SLC6A19: variants seen among roughly 807,000 people sequenced by gnomAD.
SLC6A19 encodes sodium-dependent neutral amino acid transporter B(0)AT1.
SLC6A19 carries 67 observed loss-of-function variants against 68.3 expected under a neutral mutation model. The ratio of observed to expected loss-of-function variants is 0.98; its 90% CI spans 0.81 to 1.20. The LOEUF (loss-of-function observed/expected upper bound fraction) is 1.20, where lower values mean the gene tolerates loss of function less well. Ranked by LOEUF, SLC6A19 falls within the 50% of genes most tolerant of loss-of-function variation. The probability of loss-of-function intolerance (pLI) is 0.00; values close to 1 mark genes in which losing one functional copy is unlikely to be tolerated. For synonymous variants in SLC6A19, 392 were observed against 374.9 expected, an observed-to-expected ratio of 1.05 and a Z score of -0.53; for missense variants, 813 against 851.6, an observed-to-expected ratio of 0.95 and a Z score of 0.56.
rs1057163377 is a variant in SLC6A19 at position 1,210,355 on chromosome 5, C to G, written c.344-89C>G. The G allele has an allele frequency of 5.7e-6, 9 of 1,570,096 alleles. No individual in the cohort carries two copies. The African/African-American group carries it at 1.1e-4, about 19-fold the overall frequency. On this transcript the variant is annotated intron_variant, in intron 2 of 11. Transcript: ENST00000304460. ...AGCCCATCCCAGCCACACCCTGTGC[C>G]AGCCCTGGGACCTCCTGCTCAGAGT... is the stretch of plus-strand genomic sequence containing the variant.
At chr5:1,218,842 C>T (rs543189766) in intron 8 of SLC6A19, 61 bp from the exon 9 acceptor site, 22 of 1,575,468 alleles carry the variant, frequency 1.4e-5, no homozygotes, top group East Asian at 6.7e-5. Flanking sequence ...AGACCTCGGG[C>T]GGGGAGGAGA....
chr5:1,219,789 C>A, intron 10 of SLC6A19, 125 bp downstream of exon 10: 2 of 1,344,800 alleles, frequency 1.5e-6, no homozygotes, highest in African/African-American at 1.4e-5. Context: ...GGGGCCTCGG[C>A]CGGCCACAGA....
At chr5:1,211,486 G>A (rs549405940) in intron 3 of SLC6A19, among the ~76,000 whole-genome samples, 5 of 152,254 alleles carry the variant, frequency 3.3e-5, no homozygotes, top group African/African-American at 4.8e-5. Flanking sequence ...GGCCCAGGGT[G>A]CACCTGACTG....
At chr5:1,204,857 C>G (rs1404740628) in intron 1 of SLC6A19, among the ~76,000 whole-genome samples, 1 of 152,244 alleles carries the variant, frequency 6.6e-6, no homozygotes, top group Non-Finnish European at 1.5e-5. Flanking sequence ...GCAGCTAATT[C>G]TTAGCAAAAA....
chr5:1,205,908 A>G (rs1184833202), intron 1 of SLC6A19, among the ~76,000 whole-genome samples: 8 of 152,122 alleles, frequency 5.3e-5, no homozygotes, highest in African/African-American at 1.9e-4. Context: ...GCACCTGGCT[A>G]CCATTCCCTT....
At position 1,224,499 on chromosome 5, in the gene SLC6A19, G is replaced by A. The variant is rs1282978137; in HGVS notation, c.*2595G>A. On this transcript the variant is annotated 3_prime_UTR_variant, in exon 12 of 12. Coordinates refer to ENST00000304460, the MANE Select transcript of SLC6A19 (RefSeq NM_001003841.3). ...CCTCCTCCTGGGGGGTCTGGCTTTG[G>A]GGGCTTGCTCCGAAGAGGCCATGGC... The A allele has an allele frequency of 6.6e-6, 1 of 152,328 alleles. No individual in the cohort carries two copies. Among genetic ancestry groups the A allele is most frequent in the African/African-American group, 2.4e-5 (1 of 41,472 alleles). 9.4% of individuals were successfully genotyped at this position (152,328 alleles called of 1,614,324 possible).
rs181074085 is a variant in SLC6A19 at position 1,205,617 on chromosome 5, C to A, written c.203-3129C>A. 3.4e-3 allele frequency among the ~76,000 whole-genome samples: 523 copies of A among 152,330 alleles called. 9 individuals carry two copies. Among genetic ancestry groups the A allele is most frequent in the Admixed American group, 0.032 (493 of 15,298 alleles). On this transcript the variant is annotated intron_variant, in intron 1 of 11. Coordinates refer to ENST00000304460, the MANE Select transcript of SLC6A19 (RefSeq NM_001003841.3). ...GTTTTCAAGGATGAGTAGGAGTTTT[C>A]TCAATGGAGATGAAGCGATAGGAAG...
rs377147053 is a variant in SLC6A19 at position 1,218,952 on chromosome 5, C to T, written c.1223C>T (p.Thr408Ile). Residue 408 changes from threonine to isoleucine, a missense_variant, in exon 9 of 12, where the codon ACC (threonine) becomes ATC (isoleucine). Thr to Ile is a moderately conservative substitution (Grantham distance 89). Transcript: ENST00000304460. ...TTCATCGTCTTCACCGAGGCCATCA[C>T]CAAGATGCCGTTGTCCCCACTGTGG... is the stretch of plus-strand genomic sequence containing the variant. ...LAFIVFTEAITKMPLSPLWSV... is the reference protein window; with the variant it reads ...LAFIVFTEAIIKMPLSPLWSV... 10 of 1,613,964 alleles carry T rather than the reference C, an allele frequency of 6.2e-6. No homozygotes were observed. The highest frequency in any genetic ancestry group is 4.0e-5 in the African/African-American group (3 of 74,918).
intron 1 of SLC6A19, among the ~76,000 whole-genome samples, chr5:1,204,908 G>A (rs1241448810): frequency 8.0e-6 from 1 of 125,026 alleles, no homozygotes; most frequent in Non-Finnish European, 2.0e-5. Flanking sequence ...ACCACCTGCT[G>A]GAGAGAGAAA....
chr5:1,217,707 C>T (rs1746247318), intron 8 of SLC6A19, among the ~76,000 whole-genome samples: 1 of 152,258 alleles, frequency 6.6e-6, no homozygotes, highest in African/African-American at 2.4e-5. Context: ...CCCAACAGGG[C>T]CGTCTGGTCT....
chr5:1,219,435 T>C (rs1746302639), intron 9 of SLC6A19, 70 bp from the exon 10 acceptor site: 1 of 1,593,242 alleles, frequency 6.3e-7, no homozygotes, highest in Non-Finnish European at 8.5e-7. Context: ...CCCAGTTGTG[T>C]GAACAGCTCT....
At chr5:1,202,313 G>C (rs763761562) in intron 1 of SLC6A19, among the ~76,000 whole-genome samples, 1 of 152,192 alleles carries the variant, frequency 6.6e-6, no homozygotes, top group African/African-American at 2.4e-5. Flanking sequence ...GAGCAGAGTG[G>C]GTAGCCGGAG....
rs890676627 is a variant in SLC6A19 at position 1,215,430 on chromosome 5, G to T, written c.888-1128G>T. On this transcript the variant is annotated intron_variant, in intron 6 of 11. Coordinates refer to ENST00000304460, the MANE Select transcript of SLC6A19 (RefSeq NM_001003841.3). The surrounding 1 kb of genome is among the most constrained non-coding windows in gnomAD (Gnocchi z 5.1). ...CCAGTGCCCTGTCCTCCTGCCCCGG[G>T]TGAGCACTGATGCGCTCTCTGCCTC... Among the ~76,000 whole-genome samples, 1 of 152,220 alleles carries T rather than the reference G, an allele frequency of 6.6e-6. No homozygotes were observed. Among genetic ancestry groups the T allele is most frequent in the African/African-American group, 2.4e-5 (1 of 41,464 alleles).
chr5:1,214,476 C>T lies in SLC6A19; in HGVS notation c.887+411C>T, dbSNP rs58773169. On this transcript the variant is annotated intron_variant, in intron 6 of 11. Coordinates refer to ENST00000304460, the MANE Select transcript of SLC6A19 (RefSeq NM_001003841.3). This position sits in a 1 kb window ranked among gnomAD's most constrained non-coding sequence, Gnocchi z 7.4. ...GGTCTGATCCTTCCACTGCCCCTTC[C>T]CCACGTACCCACTGCGCTTCCCAAT... 9.2e-5 allele frequency among the ~76,000 whole-genome samples: 14 copies of T among 152,322 alleles called. 1 individual carries two copies. The East Asian group carries it at 2.7e-3, about 29-fold the overall frequency.
intron 3 of SLC6A19, among the ~76,000 whole-genome samples, chr5:1,210,950 A>G (rs891968850): frequency 2.6e-5 from 4 of 152,196 alleles, no homozygotes; most frequent in African/African-American, 9.6e-5. Context: ...GTTGCTCCGC[A>G]CAGGTGGGTC....
rs758253956 is a variant in SLC6A19, at chr5:1,214,081, G to T, written c.887+16G>T. On this transcript the variant is annotated intron_variant, in intron 6 of 11. Coordinates refer to ENST00000304460, the MANE Select transcript of SLC6A19 (RefSeq NM_001003841.3). The surrounding 1 kb of genome is among the most constrained non-coding windows in gnomAD (Gnocchi z 7.4). ...ACTCTGTGCAGTGAGTGCGGGTGTGGTGGGCCTCAGTTTCCCTCTCAGTCC... is the reference window on the plus strand; with the variant it reads ...ACTCTGTGCAGTGAGTGCGGGTGTGTTGGGCCTCAGTTTCCCTCTCAGTCC... 1 of 1,613,662 alleles carries T rather than the reference G, an allele frequency of 6.2e-7. No homozygotes were observed. Among genetic ancestry groups the T allele is most frequent in the Admixed American group, 1.7e-5 (1 of 60,018 alleles).
Position 1,221,225 on chromosome 5 carries a change from G to GC in SLC6A19, c.1618dup (p.Leu540ProfsTer129). The GC allele has an allele frequency of 6.2e-7, 1 of 1,614,138 alleles. No individual in the cohort carries two copies. The highest frequency in any genetic ancestry group is 8.5e-7 in the Non-Finnish European group (1 of 1,180,028). ...TGGCAAGTCACGTGGCGCGTGGTCA[G>GC]CCCCCTGCTCATGCTGATCATCTTC... On this transcript the variant is annotated frameshift_variant, in exon 11 of 12. Transcript: ENST00000304460. LOFTEE classifies it high-confidence loss of function.
Position 1,201,664 on chromosome 5 carries a change from T to C in SLC6A19, c.14T>C (p.Val5Ala). The C allele has an allele frequency of 6.2e-7, 1 of 1,606,930 alleles. No individual in the cohort carries two copies. The highest frequency in any genetic ancestry group is 8.5e-7 in the Non-Finnish European group (1 of 1,179,350). The change falls in exon 1 of 12, where the codon GTG (valine) becomes GCG (alanine). Residue 5 changes from valine to alanine, a missense_variant. Transcript: ENST00000304460. ...CCAGCGACCACCATGGTGAGGCTCG[T>C]GCTGCCCAACCCCGGCCTAGACGCC... MVRL[V>A]LPNPGLDARI...
intron 2 of SLC6A19, 114 bp downstream of exon 2, chr5:1,209,000 C>G (rs1040604013): frequency 3.7e-6 from 5 of 1,362,260 alleles, no homozygotes; most frequent in Non-Finnish European, 9.8e-7. Context: ...TCTGCCTTCC[C>G]TGTCTGTTTC....
Sources: allele counts gnomAD v4.1 joint callset (sites outside exome capture counted in the v4.1 genomes callset), GRCh38; gene constraint gnomAD v4.1.1; non-coding constraint Gnocchi (gnomAD v3.1); transcripts MANE v1.5; gene names NCBI Gene and HGNC (gene_info 2026-07-23, HGNC 2026-07-21).